GABRG3: variants seen among roughly 807,000 people sequenced by gnomAD.
The protein encoded by GABRG3 is gamma-aminobutyric acid receptor subunit gamma-3.
In GABRG3, 25 loss-of-function variants were observed where a neutral mutation model predicts 48.8. The ratio of observed to expected loss-of-function variants is 0.51; its 90% CI spans 0.37 to 0.72. The LOEUF (loss-of-function observed/expected upper bound fraction) is 0.72. GABRG3 is among the 30% of genes least tolerant of loss of function. The probability of loss-of-function intolerance (pLI) is 0.00; values close to 1 mark genes in which losing one functional copy is unlikely to be tolerated. For missense variants in GABRG3, 394 were observed against 577.9 expected (o/e 0.68, Z 3.26); for synonymous variants, 227 against 217.6 (o/e 1.04, Z -0.38).
chr15:27,449,149 G>A (rs755476247), intron 5 of GABRG3, among the ~76,000 whole-genome samples: 1 of 152,202 alleles, frequency 6.6e-6, no homozygotes, highest in Admixed American at 6.5e-5. Flanking sequence ...GTGCCTCCCT[G>A]CACCAATAAG....
chr15:26,996,652 T>TTTATTTATTTA (rs1895345986), intron 2 of GABRG3, among the ~76,000 whole-genome samples: 1 of 138,408 alleles, frequency 7.2e-6, no homozygotes, highest in Non-Finnish European at 1.6e-5. Context: ...TTATTTATTT[T>TTTATTTATTTA]ATTTTAATTT....
intron 3 of GABRG3, among the ~76,000 whole-genome samples, chr15:27,185,493 G>A (rs527933123): frequency 6.6e-6 from 1 of 152,170 alleles, no homozygotes; most frequent in Admixed American, 6.5e-5. Flanking sequence ...CACATGTTGG[G>A]AGAAAATGTG....
At chr15:27,424,559 T>TC (rs1888232426) in intron 5 of GABRG3, among the ~76,000 whole-genome samples, 1 of 151,054 alleles carries the variant, frequency 6.6e-6, no homozygotes, top group African/African-American at 2.4e-5. Flanking sequence ...CACCTTTTTT[T>TC]TTTTTTTTTT....
At chr15:27,272,427 A>T (rs2140474521) in intron 3 of GABRG3, among the ~76,000 whole-genome samples, 1 of 152,302 alleles carries the variant, frequency 6.6e-6, no homozygotes, top group East Asian at 1.9e-4. Flanking sequence ...AGTGGGCTTT[A>T]TGTTGTCATT....
At chr15:27,224,755 CTT>C (rs1889559177) in intron 3 of GABRG3, among the ~76,000 whole-genome samples, 1 of 152,212 alleles carries the variant, frequency 6.6e-6, no homozygotes, top group Non-Finnish European at 1.5e-5. Context: ...TGCAATGAAA[CTT>C]TCTTGCATGC....
chr15:27,187,982 GT>G (rs1245374943), intron 3 of GABRG3, among the ~76,000 whole-genome samples: 15 of 149,546 alleles, frequency 1.0e-4, no homozygotes, highest in South Asian at 8.5e-4. Flanking sequence ...GCGGTGTTTG[GT>G]TTTTTGTTCT....
At chr15:27,217,102 T>C (rs149081561) in intron 3 of GABRG3, among the ~76,000 whole-genome samples, 348 of 151,608 alleles carry the variant, frequency 2.3e-3, no homozygotes, top group African/African-American at 8.2e-3. Flanking sequence ...ACAAAGGACA[T>C]GAACTCATCA....
chr15:27,050,565 T>C (rs958939347), intron 3 of GABRG3, among the ~76,000 whole-genome samples: 5 of 152,152 alleles, frequency 3.3e-5, no homozygotes, highest in South Asian at 2.1e-4. Flanking sequence ...TGTAAAGCCC[T>C]TATTTGCCCA....
chr15:27,219,622 T>C (rs2140439907), intron 3 of GABRG3, among the ~76,000 whole-genome samples: 1 of 152,292 alleles, frequency 6.6e-6, no homozygotes, highest in South Asian at 2.1e-4. Flanking sequence ...CCAGCACCTC[T>C]GTGCCCACCA....
chr15:27,107,424 T>C (rs1897470148), intron 3 of GABRG3, among the ~76,000 whole-genome samples: 1 of 152,088 alleles, frequency 6.6e-6, no homozygotes, highest in African/African-American at 2.4e-5. Context: ...TGATGACATT[T>C]ATGTATTCCT....
At chr15:27,061,657 G>A (rs779018635) in intron 3 of GABRG3, among the ~76,000 whole-genome samples, 1 of 152,014 alleles carries the variant, frequency 6.6e-6, no homozygotes, top group Non-Finnish European at 1.5e-5. Flanking sequence ...GTTGATTGAT[G>A]GGGCAAGTCT....
chr15:27,209,601 C>T (rs1889004974), intron 3 of GABRG3, among the ~76,000 whole-genome samples: 1 of 152,308 alleles, frequency 6.6e-6, no homozygotes, highest in South Asian at 2.1e-4. Context: ...CACATGAGCC[C>T]ATTCCCTTGG....
Position 27,101,946 on chromosome 15 carries a change from C to T in GABRG3, c.270+75125C>T, listed in dbSNP as rs150278419. ...GCATTCAAAGCCATCCTGGGCTGCA[C>T]GTGGCCTATGGGCCACCAGTTGGAC... On this transcript the variant is annotated intron_variant, in intron 3 of 9. Transcript: ENST00000615808. Among the ~76,000 whole-genome samples, 50 of 151,578 alleles carry T rather than the reference C, an allele frequency of 3.3e-4. No individual in the cohort carries two copies. The East Asian group carries it at 6.6e-3, about 20-fold the overall frequency.
At chr15:27,316,213 C>T (rs7169576) in intron 3 of GABRG3, among the ~76,000 whole-genome samples, 3,373 of 151,944 alleles carry the variant, frequency 0.022, 116 homozygotes, top group African/African-American at 0.076. Flanking sequence ...CGGTGAAACC[C>T]CGTCTCTACT....
rs1897699645 is a variant in GABRG3 at position 27,119,712 on chromosome 15, A to C, written c.270+92891A>C. On this transcript the variant is annotated intron_variant, in intron 3 of 9. Coordinates refer to ENST00000615808, the MANE Select transcript of GABRG3 (RefSeq NM_033223.5). ...GAATTCATATTCTTGTGATTTCAGGACTGAGGTCATTGGGTTCGTATGGAA... is the reference window on the plus strand; with the variant it reads ...GAATTCATATTCTTGTGATTTCAGGCCTGAGGTCATTGGGTTCGTATGGAA... 2.0e-5 allele frequency among the ~76,000 whole-genome samples: 3 copies of C among 152,162 alleles called. No homozygotes were observed. The South Asian group carries it at 6.2e-4, about 31-fold the overall frequency.
chr15:27,368,280 A>G (rs1280935269), intron 5 of GABRG3, among the ~76,000 whole-genome samples: 1 of 152,190 alleles, frequency 6.6e-6, no homozygotes, highest in African/African-American at 2.4e-5. Context: ...GCTTGCCACC[A>G]GGAAACATGA....
chr15:27,520,263 C>A, intron 7 of GABRG3, 139 bp downstream of exon 7: 1 of 920,008 alleles, frequency 1.1e-6, no homozygotes, highest in Non-Finnish European at 1.6e-6. Context: ...TTAGAATTTT[C>A]TCTTAAGAAG....
chr15:27,241,312 A>G (rs932301673), intron 3 of GABRG3, among the ~76,000 whole-genome samples: 4 of 152,184 alleles, frequency 2.6e-5, no homozygotes, highest in Non-Finnish European at 4.4e-5. Flanking sequence ...TAGTGGCAGC[A>G]TTATTTTCTT....
intron 5 of GABRG3, among the ~76,000 whole-genome samples, chr15:27,343,208 C>T (rs568322844): frequency 6.6e-6 from 1 of 152,158 alleles, no homozygotes; most frequent in African/African-American, 2.4e-5. Context: ...GCACCTCCCC[C>T]ACGTGGCAGC....
Sources: gnomAD v4.1 joint callset for allele counts (sites outside exome capture counted in the v4.1 genomes callset) on GRCh38, gnomAD v4.1.1 for gene constraint, MANE v1.5 for transcripts, NCBI Gene and HGNC (gene_info 2026-07-23, HGNC 2026-07-21) for gene names.